SNW1: variants seen among roughly 807,000 people sequenced by gnomAD.
The protein encoded by SNW1 is SNW domain containing 1.
A neutral mutation model predicts 75.6 loss-of-function variants in SNW1; 9 were observed. The ratio of observed to expected loss-of-function variants is 0.12; its 90% confidence interval spans 0.07 to 0.21. The LOEUF (loss-of-function observed/expected upper bound fraction) is 0.21, where lower values mean the gene tolerates loss of function less well. Ranked by LOEUF, SNW1 falls within the 10% of genes least tolerant of loss-of-function variation. The pLI is 1.00. For synonymous variants in SNW1, 200 were observed against 219.1 expected (o/e 0.91, Z 0.77); for missense variants, 409 against 670.9 (o/e 0.61, Z 4.31).
At chr14:77,727,579 G>A (rs2080595485) in intron 10 of SNW1, among the ~76,000 whole-genome samples, 1 of 152,136 alleles carries the variant, frequency 6.6e-6, no homozygotes, top group South Asian at 2.1e-4. Context: ...CCACTTTGTT[G>A]AGAGTTTTTA....
chr14:77,725,848 G>A (rs566046522), intron 10 of SNW1, among the ~76,000 whole-genome samples: 3 of 152,278 alleles, frequency 2.0e-5, no homozygotes, highest in East Asian at 3.9e-4. Context: ...TCTGAGAGGC[G>A]GAGGTTGCAG....
At chr14:77,738,296 G>A (rs1304879548) in intron 5 of SNW1, among the ~76,000 whole-genome samples, 1 of 150,638 alleles carries the variant, frequency 6.6e-6, no homozygotes, top group South Asian at 2.1e-4. Flanking sequence ...GCAAGATTCT[G>A]TCCCCCACCC....
chr14:77,730,898 T>G, intron 10 of SNW1, 90 bp downstream of exon 10: 1 of 1,388,312 alleles, frequency 7.2e-7, no homozygotes, highest in South Asian at 1.3e-5. Context: ...TATATGTACC[T>G]ACTTTATATG....
chr14:77,752,461 T>G (rs1049925586), intron 2 of SNW1, among the ~76,000 whole-genome samples: 1 of 152,228 alleles, frequency 6.6e-6, no homozygotes, highest in Non-Finnish European at 1.5e-5. Context: ...TAGTATTTGC[T>G]TAGTACACTT....
At chr14:77,721,770 C>T (rs893634304) in intron 11 of SNW1, among the ~76,000 whole-genome samples, 6 of 151,972 alleles carry the variant, frequency 3.9e-5, no homozygotes, top group East Asian at 1.9e-4. Flanking sequence ...TTTTATGACA[C>T]GGAGTCTCAC....
chr14:77,751,289 T>C (rs368962916), intron 3 of SNW1, 30 bp downstream of exon 3: 9 of 1,574,510 alleles, frequency 5.7e-6, no homozygotes, highest in Non-Finnish European at 6.9e-6. Flanking sequence ...CTAAAATATT[T>C]ATCATTCAGG....
In SNW1 at chr14:77,736,959, C is replaced by G. The variant is rs775445487; in HGVS notation, c.638+12G>C. 6.3e-7 allele frequency: 1 copy of G among 1,577,000 alleles called. No individual in the cohort carries two copies. Among genetic ancestry groups the G allele is most frequent in the Non-Finnish European group, 8.7e-7 (1 of 1,146,168 alleles). On this transcript the variant is annotated intron_variant, in intron 6 of 13. Transcript: ENST00000261531. The stretch of plus-strand genomic sequence containing the variant: ...TATTGTGTGTATTAGTAGCCTATTC[C>G]TTTTCACTTACTTGAACCTTGGAGG...
intron 12 of SNW1, among the ~76,000 whole-genome samples, chr14:77,719,345 G>A (rs1309766818): frequency 6.6e-6 from 1 of 152,040 alleles, no homozygotes. Flanking sequence ...GGTTAAGAAA[G>A]CTTTGAAATT....
At chr14:77,734,412 T>C (rs941849020) in intron 8 of SNW1, among the ~76,000 whole-genome samples, 1 of 152,214 alleles carries the variant, frequency 6.6e-6, no homozygotes, top group Admixed American at 6.6e-5. Context: ...TTATTCCTTC[T>C]CTATGTGCTT....
Position 77,750,301 on chromosome 14 carries a change from G to A in SNW1, c.330+1018C>T, listed in dbSNP as rs545829693. Among the ~76,000 whole-genome samples the A allele has an allele frequency of 3.9e-5, 6 of 152,338 alleles. No homozygotes were observed. In the South Asian group the frequency reaches 1.0e-3, roughly 26 times the overall value. ...TAAAAGTCGAGGAAAAAGGACAAGT[G>A]CAGGATGAAGAAAATTGACAATTGT... On this transcript the variant is annotated intron_variant, in intron 3 of 13. Transcript: ENST00000261531.
chr14:77,732,031 C>T (rs1487975378), intron 9 of SNW1, among the ~76,000 whole-genome samples: 3 of 152,144 alleles, frequency 2.0e-5, no homozygotes, highest in African/African-American at 7.2e-5. Context: ...CCATTGTGCC[C>T]AGCCTAATTC....
intron 1 of SNW1, among the ~76,000 whole-genome samples, chr14:77,757,992 A>G (rs1355783569): frequency 2.0e-5 from 3 of 147,316 alleles, no homozygotes; most frequent in Non-Finnish European, 4.5e-5. Flanking sequence ...ATTGCAATCA[A>G]TCAATCACAA....
intron 3 of SNW1, among the ~76,000 whole-genome samples, chr14:77,743,848 C>T (rs2080737606): frequency 6.6e-6 from 1 of 152,154 alleles, no homozygotes; most frequent in Admixed American, 6.5e-5. Context: ...AGTGCTCCCC[C>T]AGTGCCAATG....
chr14:77,721,872 C>T (rs951439754), intron 11 of SNW1, among the ~76,000 whole-genome samples: 2 of 152,134 alleles, frequency 1.3e-5, no homozygotes, highest in Non-Finnish European at 2.9e-5. Context: ...TTCGGCCTCT[C>T]GAGTAGCTGG....
intron 3 of SNW1, among the ~76,000 whole-genome samples, chr14:77,747,180 A>G (rs962419733): frequency 5.9e-5 from 9 of 152,158 alleles, no homozygotes; most frequent in Admixed American, 3.3e-4. Flanking sequence ...CGGCCTCCCG[A>G]GGTGCCGGGA....
intron 1 of SNW1, 89 bp from the exon 2 acceptor site, chr14:77,755,209 C>A: frequency 8.6e-7 from 1 of 1,167,128 alleles, no homozygotes; most frequent in South Asian, 1.4e-5. Context: ...ACAATTTTTC[C>A]TACGATGCTT....
chr14:77,723,284 G>A lies in SNW1; in HGVS notation c.1034-7C>T, dbSNP rs2080558176. The stretch of plus-strand genomic sequence containing the variant: ...TCACGTGCCTCCCCATCCTCTGTGT[G>A]AACAGTTGAAAAGTACTTCACTGTA... On this transcript the variant is annotated splice_polypyrimidine_tract_variant and splice_region_variant and intron_variant, in intron 10 of 13. Coordinates refer to ENST00000261531, the MANE Select transcript of SNW1 (RefSeq NM_012245.3). 1.2e-6 allele frequency: 2 copies of A among 1,605,606 alleles called. No homozygotes were observed. Among genetic ancestry groups the A allele is most frequent in the Non-Finnish European group, 1.7e-6 (2 of 1,172,516 alleles).
At chr14:77,747,738 T>G (rs2080773841) in intron 3 of SNW1, among the ~76,000 whole-genome samples, 1 of 136,116 alleles carries the variant, frequency 7.3e-6, no homozygotes, top group African/African-American at 2.7e-5. Flanking sequence ...AGCCGCCCCG[T>G]CTGGGAGGGA....
In SNW1 at chr14:77,721,559, A is replaced by G. The variant is rs567501575; in HGVS notation, c.1131-731T>C. ...AGAGCCATTGTAACTTTTACAACTTAGGAATTACTAACCAAGACTGTCATT... is the reference window on the plus strand; with the variant it reads ...AGAGCCATTGTAACTTTTACAACTTGGGAATTACTAACCAAGACTGTCATT... On this transcript the variant is annotated intron_variant, in intron 11 of 13. Coordinates refer to ENST00000261531, the MANE Select transcript of SNW1 (RefSeq NM_012245.3). Among the ~76,000 whole-genome samples the G allele has an allele frequency of 5.3e-5, 8 of 152,284 alleles. No individual in the cohort carries two copies. The East Asian group carries it at 1.5e-3, about 29-fold the overall frequency.
Sources: gnomAD v4.1 joint callset for allele counts (sites outside exome capture counted in the v4.1 genomes callset) on GRCh38, gnomAD v4.1.1 for gene constraint, MANE v1.5 for transcripts, NCBI Gene and HGNC (gene_info 2026-07-23, HGNC 2026-07-21) for gene names.